The following MGST1 variants were observed in gnomAD, a reference collection of about 807,000 sequenced individuals.
MGST1 encodes the protein glutathione S-transferase 12.
Under a neutral mutation model 8.9 loss-of-function variants are expected in MGST1, and 5 were observed. The observed-to-expected ratio is 0.56, with a 90% CI of 0.29 to 1.19. The LOEUF (loss-of-function observed/expected upper bound fraction) is 1.19. MGST1 is among the 50% of genes most tolerant of loss of function. The pLI, the probability that MGST1 is intolerant of heterozygous loss-of-function variation, is 0.08. For missense variants in MGST1, 182 were observed against 187.4 expected, an observed-to-expected ratio of 0.97 and a Z score of 0.17; for synonymous variants, 54 against 67.8, an observed-to-expected ratio of 0.80 and a Z score of 1.00.
At chr12:16,402,052 C>A in intron 1 of MGST1, 1 of 1,578,240 alleles carries the variant, frequency 6.3e-7, no homozygotes, top group East Asian at 2.2e-5. Context: ...TCTTTAATGG[C>A]TTCAATCATT....
chr12:16,567,254 C>T (rs963727054), intron 4 of MGST1, among the ~76,000 whole-genome samples: 1 of 152,116 alleles, frequency 6.6e-6, no homozygotes. Flanking sequence ...ACCTGAAATC[C>T]CAGCAATAAT....
exon 4 of MGST1, chr12:16,376,431 T>G: frequency 3.8e-6 from 1 of 260,340 alleles, no homozygotes; most frequent in African/African-American, 2.2e-5. Context: ...AATACAAATT[T>G]AAAGAAAATG....
intron 4 of MGST1, among the ~76,000 whole-genome samples, chr12:16,588,145 T>C (rs1943378698): frequency 6.6e-6 from 1 of 152,138 alleles, no homozygotes. Flanking sequence ...CAAGAAATGC[T>C]TAAAAAATTA....
chr12:16,393,764 G>T (rs991184), intron 1 of MGST1, among the ~76,000 whole-genome samples: 1 of 151,924 alleles, frequency 6.6e-6, no homozygotes, highest in Non-Finnish European at 1.5e-5. Context: ...TGGCCCAGAG[G>T]TATCTGCTAC....
intron 1 of MGST1, among the ~76,000 whole-genome samples, chr12:16,392,729 T>G (rs143849200): frequency 2.0e-5 from 3 of 152,188 alleles, no homozygotes; most frequent in African/African-American, 7.2e-5. Context: ...TCTATATCTC[T>G]GTATGTCTCT....
Position 16,401,175 on chromosome 12 carries a change from A to G in MGST1, n.778+17571A>G, listed in dbSNP as rs1940652435. The G allele has an allele frequency of 1.3e-6, 2 of 1,558,596 alleles. No homozygotes were observed. The highest frequency in any genetic ancestry group is 1.8e-6 in the Non-Finnish European group (2 of 1,131,270). Reference sequence around the variant, plus strand: ...CTTTCTTCTTCACAGAAGTGAGAACAGTAGCTGGGCCATCCTCATCCATAA... The same window carrying G: ...CTTTCTTCTTCACAGAAGTGAGAACGGTAGCTGGGCCATCCTCATCCATAA... On this transcript the variant is annotated intron_variant and non_coding_transcript_variant, in intron 1 of 1. Transcript: ENST00000359720. This position sits in a 1 kb window ranked among gnomAD's most constrained non-coding sequence, Gnocchi z 4.3.
At chr12:16,445,138 C>T (rs990822067) in intron 4 of MGST1, among the ~76,000 whole-genome samples, 1 of 151,548 alleles carries the variant, frequency 6.6e-6, no homozygotes, top group Non-Finnish European at 1.5e-5. Context: ...GCTCTAGGCC[C>T]CATCCGAGAT....
intron 1 of MGST1, among the ~76,000 whole-genome samples, chr12:16,432,725 C>CAGAGAG (rs879889269): frequency 1.0e-5 from 1 of 99,970 alleles, no homozygotes; most frequent in Non-Finnish European, 2.0e-5. Context: ...CACACACACA[C>CAGAGAG]ACACACAGAG....
Position 16,535,542 on chromosome 12 carries a change from CATGGGG to C in MGST1, n.483-53983_483-53978del, listed in dbSNP as rs1941751948. Reference sequence around the variant, plus strand: ...AGAGATAGTCAAACTACACAAACACCATGGGGATTCCCCAGTTACATGCAGGAAAAT... The same window carrying C: ...AGAGATAGTCAAACTACACAAACACCATTCCCCAGTTACATGCAGGAAAAT... On this transcript the variant is annotated intron_variant and non_coding_transcript_variant, in intron 4 of 4. Transcript: ENST00000538857. Among the ~76,000 whole-genome samples, 5 of 152,308 alleles carry C rather than the reference CATGGGG, an allele frequency of 3.3e-5. No homozygotes were observed. The South Asian group carries it at 8.3e-4, about 25-fold the overall frequency.
At position 16,576,477 on chromosome 12, in the gene MGST1, A is replaced by G. The variant is rs1400959040; in HGVS notation, n.483-13051A>G. Among the ~76,000 whole-genome samples the G allele has an allele frequency of 2.0e-5, 3 of 152,198 alleles. No individual in the cohort carries two copies. Among genetic ancestry groups the G allele is most frequent in the Non-Finnish European group, 4.4e-5 (3 of 68,044 alleles). Reference sequence around the variant, plus strand: ...ATTCAGATCAAATGTCAATGGATCTATGAAGCCTCTCTGATTTCCTTGAGG... The same window carrying G: ...ATTCAGATCAAATGTCAATGGATCTGTGAAGCCTCTCTGATTTCCTTGAGG... On this transcript the variant is annotated intron_variant and non_coding_transcript_variant, in intron 4 of 4. Coordinates refer to the MGST1 transcript ENST00000538857. This position sits in a 1 kb window ranked among gnomAD's most constrained non-coding sequence, Gnocchi z 4.1.
rs958894256 is a variant in MGST1, at chr12:16,584,532, G to A, written n.483-4996G>A. Among the ~76,000 whole-genome samples, 6 of 152,076 alleles carry A rather than the reference G, an allele frequency of 3.9e-5. No homozygotes were observed. Among genetic ancestry groups the A allele is most frequent in the African/African-American group, 1.4e-4 (6 of 41,388 alleles). ...AACAGCAGAAATATACAGAGAATGA[G>A]GAAAGGAATGGAAACAAGAGACGTT... On this transcript the variant is annotated intron_variant and non_coding_transcript_variant, in intron 4 of 4. Coordinates refer to the MGST1 transcript ENST00000538857. This position sits in a 1 kb window ranked among gnomAD's most constrained non-coding sequence, Gnocchi z 5.2.
chr12:16,518,233 T>C (rs1230206750), intron 4 of MGST1, among the ~76,000 whole-genome samples: 1 of 152,182 alleles, frequency 6.6e-6, no homozygotes, highest in Non-Finnish European at 1.5e-5. Flanking sequence ...CTTCCTCTCT[T>C]CCTGTGCTGC....
chr12:16,379,987 G>A (rs1412713866), downstream of MGST1, among the ~76,000 whole-genome samples: 6 of 152,196 alleles, frequency 3.9e-5, no homozygotes, highest in South Asian at 8.3e-4. Flanking sequence ...TGGGATCGGT[G>A]GTGATATCCC....
rs551900636 is a variant in MGST1 at position 16,449,508 on chromosome 12, G to A, written n.482+65904G>A. On this transcript the variant is annotated intron_variant and non_coding_transcript_variant, in intron 4 of 4. Coordinates refer to the MGST1 transcript ENST00000538857. ...TTAAGGTGAGTATACAGTAATACATGTCCAGGTGGATATGTTTCATAGTTA... is the reference window on the plus strand; with the variant it reads ...TTAAGGTGAGTATACAGTAATACATATCCAGGTGGATATGTTTCATAGTTA... Among the ~76,000 whole-genome samples the A allele has an allele frequency of 7.9e-5, 12 of 151,994 alleles. No individual in the cohort carries two copies. The South Asian group carries it at 2.5e-3, about 32-fold the overall frequency.
intron 4 of MGST1, among the ~76,000 whole-genome samples, chr12:16,457,672 G>A (rs1427738338): frequency 6.6e-6 from 1 of 151,840 alleles, no homozygotes; most frequent in African/African-American, 2.4e-5. Flanking sequence ...TAATGCAGAA[G>A]ATTTATTTTC....
intron 4 of MGST1, among the ~76,000 whole-genome samples, chr12:16,562,356 A>G (rs1942436839): frequency 6.6e-6 from 1 of 152,232 alleles, no homozygotes. Flanking sequence ...GAATATAGAT[A>G]TACTTGTGTA....
At chr12:16,455,069 A>G (rs553499780) in intron 4 of MGST1, among the ~76,000 whole-genome samples, 2 of 151,956 alleles carry the variant, frequency 1.3e-5, no homozygotes, top group African/African-American at 4.8e-5. Flanking sequence ...ATTAACAAAT[A>G]TGTGTAAAAA....
intron 4 of MGST1, among the ~76,000 whole-genome samples, chr12:16,460,835 A>G (rs1289807153): frequency 6.6e-6 from 1 of 152,070 alleles, no homozygotes; most frequent in African/African-American, 2.4e-5. Flanking sequence ...GCAGTCCCTT[A>G]ACCTTAACAA....
At chr12:16,531,237 A>T (rs1481803281) in intron 4 of MGST1, among the ~76,000 whole-genome samples, 2 of 151,048 alleles carry the variant, frequency 1.3e-5, no homozygotes, top group Non-Finnish European at 1.5e-5. Flanking sequence ...TAACCAAAAA[A>T]CCTAATTTTC....
Sources: gnomAD v4.1 joint callset for allele counts (sites outside exome capture counted in the v4.1 genomes callset) on GRCh38, gnomAD v4.1.1 for gene constraint, Gnocchi (gnomAD v3.1) non-coding constraint, MANE v1.5 for transcripts, NCBI Gene and HGNC (gene_info 2026-07-23, HGNC 2026-07-21) for gene names.